NCKAP5: variants seen among roughly 807,000 people sequenced by gnomAD.
NCKAP5 encodes nck-associated protein 5.
Under a neutral mutation model 167.0 loss-of-function variants are expected in NCKAP5, and 92 were observed. The observed-to-expected ratio is 0.55, with a 90% CI of 0.47 to 0.66. NCKAP5 has a LOEUF of 0.66. Among genes scored for constraint, NCKAP5 ranks in the 30% least tolerant of loss-of-function variants. The pLI is 0.00. For synonymous variants in NCKAP5, 891 were observed against 877.4 expected (o/e 1.02, Z -0.27); for missense variants, 2,378 against 2,315.0 (o/e 1.03, Z -0.56).
intron 1 of NCKAP5, among the ~76,000 whole-genome samples, chr2:133,564,389 A>C (rs912772907): frequency 6.6e-6 from 1 of 152,188 alleles, no homozygotes; most frequent in Admixed American, 6.5e-5. Context: ...CCATGTATCC[A>C]TACATTTTTT....
At chr2:133,212,736 C>T (rs894594849) in intron 5 of NCKAP5, among the ~76,000 whole-genome samples, 6 of 152,138 alleles carry the variant, frequency 3.9e-5, no homozygotes, top group African/African-American at 1.4e-4. Context: ...GCAAAATAAA[C>T]ACTGTGATCA....
chr2:133,217,595 G>A (rs180995866), intron 4 of NCKAP5, among the ~76,000 whole-genome samples: 3 of 152,144 alleles, frequency 2.0e-5, no homozygotes, highest in Admixed American at 2.0e-4. Context: ...CATTTTTGCA[G>A]GTGGTCAGTT....
intron 6 of NCKAP5, among the ~76,000 whole-genome samples, chr2:133,120,775 A>T (rs2082225119): frequency 6.6e-6 from 1 of 152,186 alleles, no homozygotes; most frequent in Admixed American, 6.5e-5. Flanking sequence ...AAGAATGATG[A>T]CTATTATCAA....
At chr2:133,077,879 C>T (rs1247987139) in intron 6 of NCKAP5, among the ~76,000 whole-genome samples, 1 of 152,206 alleles carries the variant, frequency 6.6e-6, no homozygotes, top group African/African-American at 2.4e-5. Context: ...CCCAGATCTC[C>T]TGACTTTCAG....
At chr2:133,149,422 A>T (rs1317442272) in intron 5 of NCKAP5, among the ~76,000 whole-genome samples, 1 of 151,964 alleles carries the variant, frequency 6.6e-6, no homozygotes, top group Non-Finnish European at 1.5e-5. Context: ...TACTTCCCTA[A>T]ACGAAGTACC....
chr2:133,276,039 C>T (rs1443918676), intron 4 of NCKAP5, among the ~76,000 whole-genome samples: 1 of 151,916 alleles, frequency 6.6e-6, no homozygotes, highest in African/African-American at 2.4e-5. Context: ...CCAACTCTTC[C>T]TCTTTTTGCT....
intron 6 of NCKAP5, among the ~76,000 whole-genome samples, chr2:133,022,559 C>G (rs1254839509): frequency 6.6e-6 from 1 of 152,142 alleles, no homozygotes; most frequent in African/African-American, 2.4e-5. Context: ...GTAGGGAGGT[C>G]TGACTCATCA....
chr2:132,841,118 A>G (rs1688267439), intron 11 of NCKAP5, among the ~76,000 whole-genome samples: 1 of 152,168 alleles, frequency 6.6e-6, no homozygotes, highest in African/African-American at 2.4e-5. Flanking sequence ...GATTTTAAAT[A>G]TAATAGCTTT....
intron 4 of NCKAP5, among the ~76,000 whole-genome samples, chr2:133,239,551 AG>A (rs988826492): frequency 2.0e-5 from 3 of 152,296 alleles, no homozygotes; most frequent in African/African-American, 7.2e-5. Flanking sequence ...AGGAAAATCA[AG>A]GTATTTGACT....
At chr2:133,452,632 T>C (rs1210499326) in intron 3 of NCKAP5, among the ~76,000 whole-genome samples, 1 of 152,164 alleles carries the variant, frequency 6.6e-6, no homozygotes, top group Non-Finnish European at 1.5e-5. Context: ...ATTTCTAAAA[T>C]GTAAGATGTT....
At chr2:133,468,868 TC>T (rs1313910735) in intron 3 of NCKAP5, among the ~76,000 whole-genome samples, 1 of 152,224 alleles carries the variant, frequency 6.6e-6, no homozygotes, top group African/African-American at 2.4e-5. Flanking sequence ...GCTTGGTAGA[TC>T]TTCCTCCATC....
chr2:133,503,042 GGGTGAGCCAGTTTA>G (rs917933965), intron 3 of NCKAP5, among the ~76,000 whole-genome samples: 18 of 152,184 alleles, frequency 1.2e-4, no homozygotes, highest in African/African-American at 4.3e-4. Flanking sequence ...CAGCTCTCAG[GGGTGAGCCAGTTTA>G]GGTGAGCCAG....
chr2:133,054,374 G>C (rs2079718492), intron 6 of NCKAP5, among the ~76,000 whole-genome samples: 1 of 152,206 alleles, frequency 6.6e-6, no homozygotes, highest in African/African-American at 2.4e-5. Flanking sequence ...TTCTATGAGA[G>C]ATCTATCAGA....
chr2:133,113,207 T>G (rs35698072), intron 6 of NCKAP5, among the ~76,000 whole-genome samples: 30,288 of 151,882 alleles, frequency 0.2, 3,555 homozygotes, highest in Middle Eastern at 0.27. Flanking sequence ...TTGGAGTTTT[T>G]TTTTTTTTTT....
chr2:133,586,056 G>C, the NCKAP5 span, among the ~76,000 whole-genome samples: 1 of 152,154 alleles, frequency 6.6e-6, no homozygotes, highest in African/African-American at 2.4e-5. Context: ...AGAGATAATG[G>C]GCAGATTTGG....
chr2:133,386,496 G>T (rs998453130), intron 3 of NCKAP5, among the ~76,000 whole-genome samples: 29 of 152,180 alleles, frequency 1.9e-4, no homozygotes, highest in African/African-American at 7.0e-4. Flanking sequence ...AATAGGTGTG[G>T]TGTGGTGCTG....
At chr2:133,437,810 G>A (rs980367683) in intron 3 of NCKAP5, among the ~76,000 whole-genome samples, 3 of 152,180 alleles carry the variant, frequency 2.0e-5, no homozygotes, top group Admixed American at 2.0e-4. Flanking sequence ...TGTTAAAAGT[G>A]CCTACCACAT....
intron 6 of NCKAP5, among the ~76,000 whole-genome samples, chr2:133,111,009 G>T (rs972625044): frequency 9.2e-5 from 14 of 151,980 alleles, no homozygotes; most frequent in African/African-American, 2.9e-4. Context: ...TGTTACAAAG[G>T]CACCATCAGT....
chr2:132,819,779 AC>A (rs1322021885), intron 11 of NCKAP5, among the ~76,000 whole-genome samples: 5 of 152,192 alleles, frequency 3.3e-5, no homozygotes, highest in African/African-American at 1.2e-4. Context: ...ATTTTCTGCC[AC>A]CCTACTTCAA....
Sources: allele counts gnomAD v4.1 joint callset (sites outside exome capture counted in the v4.1 genomes callset), GRCh38; gene constraint gnomAD v4.1.1; transcripts MANE v1.5; gene names NCBI Gene and HGNC (gene_info 2026-07-23, HGNC 2026-07-21).